HDGFL3: variants seen among roughly 807,000 people sequenced by gnomAD.
HDGFL3 encodes the protein HDGF like 3.
HDGFL3 carries 6 observed loss-of-function variants against 27.6 expected under a neutral mutation model. The ratio of observed to expected loss-of-function variants is 0.22; its 90% CI spans 0.12 to 0.43. The LOEUF (loss-of-function observed/expected upper bound fraction) is 0.43. Among genes scored for constraint, HDGFL3 ranks in the 20% least tolerant of loss-of-function variants. The pLI is 1.00. For missense variants in HDGFL3, 207 were observed against 250.1 expected, an observed-to-expected ratio of 0.83 and a Z score of 1.16; for synonymous variants, 88 against 88.9, an observed-to-expected ratio of 0.99 and a Z score of 0.05.
At chr15:83,190,264 C>T (rs114083461) in intron 1 of HDGFL3, among the ~76,000 whole-genome samples, 1,922 of 150,732 alleles carry the variant, frequency 0.013, 50 homozygotes, top group African/African-American at 0.046. Flanking sequence ...ATTATGAATC[C>T]TGTTGTTGTA....
chr15:83,169,414 CAAAAAAAAAAAAAAAAAAAAAAA>C (rs58159581), intron 1 of HDGFL3, among the ~76,000 whole-genome samples: 1 of 35,570 alleles, frequency 2.8e-5, no homozygotes, highest in African/African-American at 8.7e-5. Context: ...GACTCCGTCT[CAAAAAAAAAAAAAAAAAAAAAAA>C]AAAAAAAAAA....
intron 1 of HDGFL3, among the ~76,000 whole-genome samples, chr15:83,190,023 T>C (rs2037492509): frequency 6.6e-6 from 1 of 151,726 alleles, no homozygotes; most frequent in African/African-American, 2.4e-5. Flanking sequence ...CTGGGCAACA[T>C]AGTGAGACCT....
chr15:83,145,636 T>TCC (rs2036873989), intron 5 of HDGFL3, among the ~76,000 whole-genome samples: 2 of 152,100 alleles, frequency 1.3e-5, no homozygotes, highest in Non-Finnish European at 2.9e-5. Flanking sequence ...TGTAAGCTAC[T>TCC]CCCCTCCTTC....
At position 83,158,067 on chromosome 15, in the gene HDGFL3, T is replaced by C. The variant is rs771550259; in HGVS notation, c.162-26A>G. On this transcript the variant is annotated intron_variant, in intron 2 of 5. Transcript: ENST00000299633. ...CTGCAGAGACATATTAGAAATAGAA[T>C]TGACACACTGACCTTCAAAGGTAAG... 49 of 1,576,998 alleles carry C rather than the reference T, an allele frequency of 3.1e-5. No individual in the cohort carries two copies. In the East Asian group the frequency reaches 3.1e-4, roughly 10 times the overall value.
chr15:83,144,482 ACTCTCT>A (rs2036851221), intron 5 of HDGFL3: 1 of 455,414 alleles, frequency 2.2e-6, no homozygotes, highest in Admixed American at 2.4e-5. Context: ...GTTTGCCAGC[ACTCTCT>A]CTTACTGACA....
At chr15:83,198,452 A>C (rs2037598969) in intron 1 of HDGFL3, among the ~76,000 whole-genome samples, 2 of 152,266 alleles carry the variant, frequency 1.3e-5, no homozygotes, top group Admixed American at 1.3e-4. Flanking sequence ...AAAATGAAAT[A>C]TAAAAATATC....
chr15:83,181,182 G>A (rs1038387854), intron 1 of HDGFL3, among the ~76,000 whole-genome samples: 5 of 152,250 alleles, frequency 3.3e-5, no homozygotes, highest in African/African-American at 1.2e-4. Flanking sequence ...GAGAGGTCAT[G>A]ATATACCTAG....
intron 5 of HDGFL3, among the ~76,000 whole-genome samples, chr15:83,145,236 T>C (rs1158207692): frequency 6.6e-6 from 1 of 152,124 alleles, no homozygotes; most frequent in South Asian, 2.1e-4. Flanking sequence ...CCTGAACTCA[T>C]ATCCCCAGTC....
intron 3 of HDGFL3, among the ~76,000 whole-genome samples, chr15:83,122,402 G>C (rs1363746463): frequency 1.3e-5 from 2 of 151,332 alleles, no homozygotes; most frequent in African/African-American, 4.8e-5. Flanking sequence ...TAGGTAGATA[G>C]ATAGATAGAT....
intron 1 of HDGFL3, chr15:83,169,135 A>ATGATAAACCCAC: frequency 2.5e-6 from 1 of 395,094 alleles, no homozygotes; most frequent in South Asian, 1.9e-5. Flanking sequence ...AGAGCCATAT[A>ATGATAAACCCAC]TGATAAACCC....
chr15:83,131,782 C>T lies in HDGFL3; in HGVS notation c.*7488G>A, dbSNP rs2036272200. On this transcript the variant is annotated 3_prime_UTR_variant, in exon 6 of 6. Transcript: ENST00000299633. ...AATGAAACCAGGACACATTTTAGAC[C>T]AAAGAGTTCCACTGGGGACTTACTC... 2.6e-5 allele frequency: 4 copies of T among 152,004 alleles called. No homozygotes were observed. The highest frequency in any genetic ancestry group is 2.6e-4 in the Admixed American group (4 of 15,252). 9.4% of individuals were successfully genotyped at this position (152,004 alleles called of 1,614,324 possible). A position where few individuals can be genotyped will look rare whatever the true frequency, so the allele number is the denominator to read the frequency against.
chr15:83,205,339 A>C (rs1023561175), intron 1 of HDGFL3, among the ~76,000 whole-genome samples: 1 of 152,174 alleles, frequency 6.6e-6, no homozygotes, highest in African/African-American at 2.4e-5. Flanking sequence ...TTTGAGTCTT[A>C]GGTTGTTTCT....
rs77441031 is a variant in HDGFL3 at position 83,193,275 on chromosome 15, G to A, written c.84+14056C>T. 2.8e-3 allele frequency among the ~76,000 whole-genome samples: 433 copies of A among 152,204 alleles called. 4 individuals carry two copies. Among genetic ancestry groups the A allele is most frequent in the African/African-American group, 9.9e-3 (411 of 41,510 alleles). ...TTTTGCTGATTAAAAAATGGGTGAA[G>A]GACAATAGACATTATTCCAAAGAAG... is the stretch of plus-strand genomic sequence containing the variant. On this transcript the variant is annotated intron_variant, in intron 1 of 5. Transcript: ENST00000299633.
intron 1 of HDGFL3, among the ~76,000 whole-genome samples, chr15:83,202,727 C>T (rs2037663564): frequency 6.6e-6 from 1 of 152,076 alleles, no homozygotes; most frequent in Admixed American, 6.5e-5. Context: ...TACATATGTA[C>T]ACATCCATGT....
chr15:83,114,051 C>T (rs1190071512), exon 4 of HDGFL3: 9 of 152,312 alleles, frequency 5.9e-5, no homozygotes, highest in Non-Finnish European at 1.3e-4. Flanking sequence ...ATTAGATGAG[C>T]TGGGTCCGTC....
chr15:83,140,223 A>T lies in HDGFL3; in HGVS notation c.607-948T>A, dbSNP rs139027024. Reference sequence around the variant, plus strand: ...GACCTTCAAAGGAGAGAGAGTTACCAAAACTTCCATCCCCCTAAGATGGCA... The same window carrying T: ...GACCTTCAAAGGAGAGAGAGTTACCTAAACTTCCATCCCCCTAAGATGGCA... On this transcript the variant is annotated intron_variant, in intron 5 of 5. Transcript: ENST00000299633. 1.4e-4 allele frequency among the ~76,000 whole-genome samples: 21 copies of T among 152,270 alleles called. No individual in the cohort carries two copies. The East Asian group carries it at 3.9e-3, about 28-fold the overall frequency.
At chr15:83,177,346 A>G (rs544674158) in intron 1 of HDGFL3, among the ~76,000 whole-genome samples, 1 of 152,350 alleles carries the variant, frequency 6.6e-6, no homozygotes, top group South Asian at 2.1e-4. Context: ...TGTGTAATAT[A>G]AGCAAATGTT....
chr15:83,201,828 C>T (rs2037650989), intron 1 of HDGFL3, among the ~76,000 whole-genome samples: 1 of 151,998 alleles, frequency 6.6e-6, no homozygotes, highest in South Asian at 2.1e-4. Flanking sequence ...CCTATGAGCT[C>T]CCAGATTAAG....
At chr15:83,153,757 A>C (rs1027249854) in intron 4 of HDGFL3, among the ~76,000 whole-genome samples, 3 of 152,130 alleles carry the variant, frequency 2.0e-5, no homozygotes, top group Admixed American at 1.3e-4. Context: ...TTGACCTATG[A>C]TTTTCCAGTA....
Sources: allele counts gnomAD v4.1 joint callset (sites outside exome capture counted in the v4.1 genomes callset), GRCh38; gene constraint gnomAD v4.1.1; transcripts MANE v1.5; gene names NCBI Gene and HGNC (gene_info 2026-07-23, HGNC 2026-07-21).